The following PTPRT variants were observed in gnomAD, a reference collection of about 807,000 sequenced individuals.
The protein encoded by PTPRT is receptor-type tyrosine-protein phosphatase T.
A neutral mutation model predicts 176.8 loss-of-function variants in PTPRT; 56 were observed. The observed-to-expected ratio is 0.32, with a 90% confidence interval of 0.26 to 0.40. The LOEUF (loss-of-function observed/expected upper bound fraction) is 0.40, where lower values mean the gene tolerates loss of function less well. Ranked by LOEUF, PTPRT falls within the 10% of genes least tolerant of loss-of-function variation. The pLI is 1.00. For missense variants in PTPRT, 1,540 were observed against 1,908.2 expected (o/e 0.81, Z 3.60); for synonymous variants, 783 against 739.0 (o/e 1.06, Z -0.96).
chr20:42,458,346 C>A (rs1306386300), intron 8 of PTPRT, among the ~76,000 whole-genome samples: 1 of 152,140 alleles, frequency 6.6e-6, no homozygotes, highest in Non-Finnish European at 1.5e-5. Flanking sequence ...AGGGTTGAAG[C>A]CACACTGCCT....
At chr20:43,025,371 A>T (rs569219529) in intron 1 of PTPRT, among the ~76,000 whole-genome samples, 1 of 152,360 alleles carries the variant, frequency 6.6e-6, no homozygotes, top group African/African-American at 2.4e-5. Flanking sequence ...CAACTTCCAG[A>T]ACGCAGTCCA....
intron 25 of PTPRT, among the ~76,000 whole-genome samples, chr20:42,103,304 C>T (rs1337277024): frequency 1.3e-5 from 2 of 152,192 alleles, no homozygotes; most frequent in Non-Finnish European, 2.9e-5. Flanking sequence ...GACAGTACTT[C>T]TCAAAGTTTA....
intron 11 of PTPRT, among the ~76,000 whole-genome samples, chr20:42,350,214 GTTTTTTTTTTTTTTTTTT>G (rs764181357): frequency 1.7e-5 from 1 of 58,290 alleles, no homozygotes; most frequent in African/African-American, 7.0e-5. Flanking sequence ...GATGTTTCTT[GTTTTTTTTTTTTTTTTTT>G]TTTTTTTTTT....
At chr20:43,156,267 A>G (rs1166869857) in intron 1 of PTPRT, among the ~76,000 whole-genome samples, 3 of 152,228 alleles carry the variant, frequency 2.0e-5, no homozygotes, top group Non-Finnish European at 4.4e-5. Context: ...TGTCCATAAC[A>G]GAACCTCAGA....
intron 2 of PTPRT, among the ~76,000 whole-genome samples, chr20:42,802,174 C>T (rs1307055620): frequency 6.6e-6 from 1 of 152,206 alleles, no homozygotes; most frequent in African/African-American, 2.4e-5. Flanking sequence ...TAACAAGTTT[C>T]TAAGTGATGC....
chr20:42,465,723 T>A (rs1306006782), intron 8 of PTPRT, among the ~76,000 whole-genome samples: 4 of 152,202 alleles, frequency 2.6e-5, no homozygotes, highest in African/African-American at 9.6e-5. Context: ...ATGGCGGTAA[T>A]ATTTTTTGGA....
At chr20:43,051,240 T>C (rs1413694247) in intron 1 of PTPRT, among the ~76,000 whole-genome samples, 1 of 152,232 alleles carries the variant, frequency 6.6e-6, no homozygotes, top group Admixed American at 6.5e-5. Context: ...GCCCTTCTTT[T>C]GCTAACTCCA....
intron 16 of PTPRT, among the ~76,000 whole-genome samples, chr20:42,198,977 G>C (rs1295744114): frequency 6.6e-6 from 1 of 152,080 alleles, no homozygotes; most frequent in Non-Finnish European, 1.5e-5. Context: ...TTTTTAACCT[G>C]TCTCTATTTA....
chr20:42,349,990 C>T (rs770364243), intron 11 of PTPRT, among the ~76,000 whole-genome samples: 8 of 152,208 alleles, frequency 5.3e-5, no homozygotes, highest in Non-Finnish European at 1.2e-4. Context: ...CAGCCTTAAA[C>T]TGGACCAGTC....
chr20:42,710,297 G>C (rs1235176934), intron 6 of PTPRT, among the ~76,000 whole-genome samples: 2 of 152,192 alleles, frequency 1.3e-5, no homozygotes, highest in Non-Finnish European at 2.9e-5. Context: ...CCATTTCAGA[G>C]ATCCTCAGTA....
At chr20:42,967,383 C>G (rs2146053569) in intron 1 of PTPRT, among the ~76,000 whole-genome samples, 1 of 152,194 alleles carries the variant, frequency 6.6e-6, no homozygotes, top group South Asian at 2.1e-4. Context: ...TTATAAAAAA[C>G]AGAAGAGGAA....
At chr20:42,058,050 G>C in the PTPRT span, among the ~76,000 whole-genome samples, 1 of 152,108 alleles carries the variant, frequency 6.6e-6, no homozygotes, top group Non-Finnish European at 1.5e-5. Context: ...GGAGTCACAC[G>C]AACAGCCTCT....
At chr20:42,153,614 A>G (rs928296809) in intron 17 of PTPRT, among the ~76,000 whole-genome samples, 7 of 152,210 alleles carry the variant, frequency 4.6e-5, no homozygotes, top group African/African-American at 1.7e-4. Flanking sequence ...CTTTTCCCTT[A>G]ATGGGGAATC....
At chr20:42,305,859 T>C (rs1452689228) in intron 12 of PTPRT, among the ~76,000 whole-genome samples, 2 of 152,196 alleles carry the variant, frequency 1.3e-5, no homozygotes, top group South Asian at 2.1e-4. Flanking sequence ...AATTCAGAAG[T>C]TTCTCTACTT....
At chr20:42,479,100 C>T (rs1568916155) in intron 7 of PTPRT, among the ~76,000 whole-genome samples, 1 of 152,134 alleles carries the variant, frequency 6.6e-6, no homozygotes, top group African/African-American at 2.4e-5. Flanking sequence ...AGCCTCCATC[C>T]CTGCTGTCAA....
intron 16 of PTPRT, among the ~76,000 whole-genome samples, chr20:42,181,658 T>C (rs1041314861): frequency 6.6e-6 from 1 of 152,166 alleles, no homozygotes; most frequent in Admixed American, 6.6e-5. Context: ...TTGTGATCTA[T>C]CCTGACTTAA....
chr20:42,855,968 G>C (rs1472081104), intron 2 of PTPRT, among the ~76,000 whole-genome samples: 2 of 151,932 alleles, frequency 1.3e-5, no homozygotes, highest in Admixed American at 6.6e-5. Context: ...GACTCAAATG[G>C]GCAAAGACAA....
chr20:42,958,947 C>T (rs1357512663), intron 1 of PTPRT, among the ~76,000 whole-genome samples: 2 of 152,168 alleles, frequency 1.3e-5, no homozygotes, highest in African/African-American at 4.8e-5. Context: ...GCAACCTCCA[C>T]CCTCTGAATT....
At chr20:42,168,849 A>T (rs1989950282) in intron 16 of PTPRT, among the ~76,000 whole-genome samples, 1 of 152,210 alleles carries the variant, frequency 6.6e-6, no homozygotes, top group South Asian at 2.1e-4. Flanking sequence ...CCCCTGAGGA[A>T]CAGTAGATTC....
Sources: allele counts gnomAD v4.1 joint callset (sites outside exome capture counted in the v4.1 genomes callset), GRCh38; gene constraint gnomAD v4.1.1; transcripts MANE v1.5; gene names NCBI Gene and HGNC (gene_info 2026-07-23, HGNC 2026-07-21).